SH3BP4: variants seen among roughly 807,000 people sequenced by gnomAD.
The protein encoded by SH3BP4 is SH3 domain binding protein 4, also known as SH3 domain-binding protein 4.
In SH3BP4, 33 loss-of-function variants were observed where a neutral mutation model predicts 65.5. The ratio of observed to expected loss-of-function variants is 0.50; its 90% CI spans 0.38 to 0.67. The LOEUF (loss-of-function observed/expected upper bound fraction) is 0.67. SH3BP4 is among the 30% of genes least tolerant of loss of function. The pLI is 0.00. For missense variants in SH3BP4, 1,134 were observed against 1,261.4 expected (o/e 0.90, Z 1.53); for synonymous variants, 552 against 545.5 (o/e 1.01, Z -0.17).
chr2:234,983,341 C>T (rs1334051774), intron 1 of SH3BP4: 1 of 152,224 alleles, frequency 6.6e-6, no homozygotes, highest in Non-Finnish European at 1.5e-5. Context: ...GCTGACTGCA[C>T]CTGCTATGTT....
At chr2:234,958,486 G>A (rs559622763) in intron 1 of SH3BP4, among the ~76,000 whole-genome samples, 4 of 152,128 alleles carry the variant, frequency 2.6e-5, no homozygotes, top group African/African-American at 7.2e-5. Flanking sequence ...GAGAGAGGGC[G>A]GTCCTGGGCT....
rs1297386650 is a variant in SH3BP4, at chr2:234,967,137, G to C, written c.-207+14967G>C. 6.6e-6 allele frequency among the ~76,000 whole-genome samples: 1 copy of C among 152,160 alleles called. No individual in the cohort carries two copies. The highest frequency in any genetic ancestry group is 2.4e-5 in the African/African-American group (1 of 41,426). On this transcript the variant is annotated intron_variant, in intron 1 of 5. Transcript: ENST00000392011. The surrounding 1 kb of genome is among the most constrained non-coding windows in gnomAD (Gnocchi z 4.6). ...GAAACTGAGGAACCATGGGGTTTAG[G>C]GACTTGTGTGAGCTGGGAAGTGCAG...
chr2:235,048,337 C>T (rs548860862), intron 4 of SH3BP4, among the ~76,000 whole-genome samples: 6 of 152,184 alleles, frequency 3.9e-5, no homozygotes, highest in East Asian at 1.9e-4. Flanking sequence ...TATTTTCCCC[C>T]GCCCCTTTTT....
intron 1 of SH3BP4, among the ~76,000 whole-genome samples, chr2:234,957,721 A>G (rs1692620340): frequency 6.6e-6 from 1 of 151,830 alleles, no homozygotes; most frequent in African/African-American, 2.4e-5. Context: ...TTCCCGGGTG[A>G]CTGTAATGTA....
intron 2 of SH3BP4, among the ~76,000 whole-genome samples, chr2:235,000,741 G>A (rs1407187695): frequency 6.6e-6 from 1 of 152,246 alleles, no homozygotes; most frequent in East Asian, 1.9e-4. Context: ...GCATTTGGCA[G>A]AAGAGAAAGC....
In SH3BP4 at chr2:235,034,601, C is replaced by G. The variant is rs550725276; in HGVS notation, c.-132-270C>G. On this transcript the variant is annotated intron_variant, in intron 2 of 5. Transcript: ENST00000392011. The surrounding 1 kb of genome is among the most constrained non-coding windows in gnomAD (Gnocchi z 6.2). ...TGCTGGAGCACATTTCGCAAACACC[C>G]TTACGCCCCTAAGAAGAGCAGGTGC... Among the ~76,000 whole-genome samples, 1 of 152,356 alleles carries G rather than the reference C, an allele frequency of 6.6e-6. No individual in the cohort carries two copies. Among genetic ancestry groups the G allele is most frequent in the East Asian group, 1.9e-4 (1 of 5,188 alleles).
rs1376195848 is a variant in SH3BP4, at chr2:235,052,607, C to T, written c.2524C>T (p.Gln842Ter). ...DCQGLVVRLI[Q>*]DFVLLTTAVE... is the part of the protein sequence containing the mutation. ...CCAGGGCCTGGTGGTCAGACTCATCCAGGACTTTGTGCTCCTGACCACGGC... is the reference window on the plus strand; with the variant it reads ...CCAGGGCCTGGTGGTCAGACTCATCTAGGACTTTGTGCTCCTGACCACGGC... Residue 842 changes from glutamine to a stop codon, truncating the protein, a stop_gained, in exon 5 of 6, where the codon CAG becomes TAG. Coordinates refer to ENST00000392011, the MANE Select transcript of SH3BP4 (RefSeq NM_014521.3). LOFTEE classifies it high-confidence loss of function. The surrounding 1 kb of genome is among the most constrained non-coding windows in gnomAD (Gnocchi z 5.0). 2 of 1,558,446 alleles carry T rather than the reference C, an allele frequency of 1.3e-6. No individual in the cohort carries two copies. The highest frequency in any genetic ancestry group is 8.7e-7 in the Non-Finnish European group (1 of 1,151,346).
rs1559260111 is a variant in SH3BP4, at chr2:235,046,796, A to G, written c.2478+3549A>G. On this transcript the variant is annotated intron_variant, in intron 4 of 5. Coordinates refer to ENST00000392011, the MANE Select transcript of SH3BP4 (RefSeq NM_014521.3). This position sits in a 1 kb window ranked among gnomAD's most constrained non-coding sequence, Gnocchi z 4.2. ...ATGCAGGCCTTGGGCTGGGCTAAGA[A>G]TCCAAGCGGGAGGCATTCTCACGTG... Among the ~76,000 whole-genome samples, 2 of 152,184 alleles carry G rather than the reference A, an allele frequency of 1.3e-5. No homozygotes were observed. The highest frequency in any genetic ancestry group is 4.8e-5 in the African/African-American group (2 of 41,438).
At chr2:235,029,967 C>T (rs888235340) in intron 2 of SH3BP4, among the ~76,000 whole-genome samples, 3 of 152,248 alleles carry the variant, frequency 2.0e-5, no homozygotes, top group Non-Finnish European at 4.4e-5. Flanking sequence ...CAGAGGTGGA[C>T]GGTGTTGGGC....
intron 1 of SH3BP4, among the ~76,000 whole-genome samples, chr2:234,965,502 C>G (rs890934500): frequency 2.6e-5 from 4 of 152,196 alleles, no homozygotes; most frequent in Non-Finnish European, 5.9e-5. Flanking sequence ...TGAATACAAC[C>G]TTTTGCAATA....
intron 2 of SH3BP4, among the ~76,000 whole-genome samples, chr2:235,003,813 C>T (rs115631158): frequency 7.3e-4 from 111 of 152,352 alleles, no homozygotes; most frequent in African/African-American, 2.5e-3. Flanking sequence ...CAGTTGGCTC[C>T]AGGGATGGCC....
At chr2:234,989,731 G>A (rs945353202) in intron 1 of SH3BP4, among the ~76,000 whole-genome samples, 36 of 152,222 alleles carry the variant, frequency 2.4e-4, no homozygotes, top group African/African-American at 7.9e-4. Flanking sequence ...TCATTTTCAC[G>A]TCGTGAAATA....
At chr2:234,955,966 C>T (rs1223797369) in intron 1 of SH3BP4, among the ~76,000 whole-genome samples, 3 of 151,520 alleles carry the variant, frequency 2.0e-5, no homozygotes, top group Admixed American at 6.6e-5. Flanking sequence ...TCACATCTCC[C>T]GGGGTGCTGA....
intron 3 of SH3BP4, among the ~76,000 whole-genome samples, chr2:235,039,240 C>T (rs189873161): frequency 2.0e-5 from 3 of 152,214 alleles, no homozygotes; most frequent in Admixed American, 6.5e-5. Context: ...CCCAGCTAAG[C>T]GCATCTCTGT....
Position 235,053,878 on chromosome 2 carries a change from C to A in SH3BP4, c.*62C>A. 7.5e-7 allele frequency: 1 copy of A among 1,332,134 alleles called. No individual in the cohort carries two copies. Among genetic ancestry groups the A allele is most frequent in the Non-Finnish European group, 1.1e-6 (1 of 928,226 alleles). 82.5% of individuals were successfully genotyped at this position (1,332,134 alleles called of 1,614,324 possible). A position where few individuals can be genotyped will look rare whatever the true frequency, so the allele number is the denominator to read the frequency against. Reference sequence around the variant, plus strand: ...GCCCTCTTCTGCCCTGCGTGCCCTGCTGTCACCGCGGAGCTGAAGAGGGAG... The same window carrying A: ...GCCCTCTTCTGCCCTGCGTGCCCTGATGTCACCGCGGAGCTGAAGAGGGAG... On this transcript the variant is annotated 3_prime_UTR_variant, in exon 6 of 6. Coordinates refer to ENST00000392011, the MANE Select transcript of SH3BP4 (RefSeq NM_014521.3).
chr2:234,979,919 C>T (rs968838087), intron 1 of SH3BP4: 8 of 152,242 alleles, frequency 5.3e-5, no homozygotes, highest in African/African-American at 1.9e-4. Context: ...CTGTGAGAGG[C>T]CCTGAAGAAG....
intron 2 of SH3BP4, among the ~76,000 whole-genome samples, chr2:235,025,829 C>T (rs1250109013): frequency 3.9e-5 from 6 of 152,172 alleles, no homozygotes; most frequent in Non-Finnish European, 8.8e-5. Flanking sequence ...ATTCTCCAAT[C>T]GGTAGGTTTT....
At chr2:235,007,794 G>A (rs765407605) in intron 2 of SH3BP4, among the ~76,000 whole-genome samples, 8 of 152,170 alleles carry the variant, frequency 5.3e-5, no homozygotes, top group Non-Finnish European at 1.2e-4. Flanking sequence ...TGCTGAGGAG[G>A]CAGGGTAGAG....
At chr2:234,960,230 T>A (rs572885455) in intron 1 of SH3BP4, among the ~76,000 whole-genome samples, 2 of 152,372 alleles carry the variant, frequency 1.3e-5, no homozygotes. Context: ...AATACAGATA[T>A]GGTTGTGGTT....
Sources: allele counts gnomAD v4.1 joint callset (sites outside exome capture counted in the v4.1 genomes callset), GRCh38; gene constraint gnomAD v4.1.1; non-coding constraint Gnocchi (gnomAD v3.1); transcripts MANE v1.5; gene names NCBI Gene and HGNC (gene_info 2026-07-23, HGNC 2026-07-21).